Variants in USP50 observed in about 807,000 individuals in gnomAD.
The protein encoded by USP50 is ubiquitin carboxyl-terminal hydrolase 50.
In USP50, 37 loss-of-function variants were observed where a neutral mutation model predicts 39.2. That is an observed-to-expected ratio of 0.94 (90% CI 0.73 to 1.24). USP50 has a LOEUF of 1.24. Ranked by LOEUF, USP50 falls within the 50% of genes most tolerant of loss-of-function variation. The probability of loss-of-function intolerance (pLI) is 0.00; values close to 1 mark genes in which losing one functional copy is unlikely to be tolerated. For missense variants in USP50, 374 were observed against 398.2 expected, an observed-to-expected ratio of 0.94 and a Z score of 0.52; for synonymous variants, 139 against 144.5, an observed-to-expected ratio of 0.96 and a Z score of 0.27.
chr15:50,516,574 G>T (rs1191621181), intron 6 of USP50, among the ~76,000 whole-genome samples: 1 of 152,062 alleles, frequency 6.6e-6, no homozygotes, highest in Non-Finnish European at 1.5e-5. Flanking sequence ...CCAAGATTAC[G>T]CCATTGCACT....
intron 6 of USP50, among the ~76,000 whole-genome samples, chr15:50,518,642 T>TAAA: frequency 2.0e-5 from 3 of 148,324 alleles, no homozygotes; most frequent in Admixed American, 2.0e-4. Context: ...CTCACCACAT[T>TAAA]AAAAAAAAAA....
Position 50,546,555 on chromosome 15 carries a change from C to G in USP50, c.-30G>C, listed in dbSNP as rs753050726. The G allele has an allele frequency of 6.2e-7, 1 of 1,612,538 alleles. No homozygotes were observed. Among genetic ancestry groups the G allele is most frequent in the East Asian group, 2.2e-5 (1 of 44,844 alleles). ...ATGGAACCACGTTGGACTTTTGCTT[C>G]TATTCAGGAGCTACATCTATTCCTT... On this transcript the variant is annotated 5_prime_UTR_variant, in exon 1 of 7. An upstream open reading frame in the 5' UTR loses its in-frame stop. Transcript: ENST00000532404.
intron 5 of USP50, among the ~76,000 whole-genome samples, chr15:50,531,495 A>T (rs1034181043): frequency 6.6e-6 from 1 of 151,554 alleles, no homozygotes; most frequent in Non-Finnish European, 1.5e-5. Context: ...AAACAAAATT[A>T]TAGGGACGGA....
chr15:50,530,698 G>T (rs1424640121), intron 5 of USP50, among the ~76,000 whole-genome samples: 1 of 152,116 alleles, frequency 6.6e-6, no homozygotes, highest in East Asian at 1.9e-4. Flanking sequence ...TCACCAAAAT[G>T]AGACTGGAAT....
chr15:50,536,990 A>G (rs2052984883), intron 5 of USP50, among the ~76,000 whole-genome samples: 1 of 152,228 alleles, frequency 6.6e-6, no homozygotes, highest in East Asian at 1.9e-4. Context: ...AGTAGCCAAA[A>G]CTATACTGAA....
intron 6 of USP50, chr15:50,504,018 A>C (rs1203046815): frequency 6.6e-6 from 1 of 152,230 alleles, no homozygotes; most frequent in Non-Finnish European, 1.5e-5. Context: ...TGAGAAATAC[A>C]ACATAGTTGG....
intron 6 of USP50, among the ~76,000 whole-genome samples, chr15:50,526,991 T>C (rs1460765656): frequency 6.6e-6 from 1 of 152,176 alleles, no homozygotes. Context: ...TAACAAAGAA[T>C]CTAGCAAATG....
At chr15:50,496,724 CAAAT>C (rs1016770958), downstream of USP50, among the ~76,000 whole-genome samples, 1 of 152,118 alleles carries the variant, frequency 6.6e-6, no homozygotes, top group African/African-American at 2.4e-5. Context: ...ATGGGGATAT[CAAAT>C]AAATATCCTG....
intron 6 of USP50, chr15:50,505,750 G>C (rs112069964): frequency 0.09 from 13,730 of 152,404 alleles, 1,360 homozygotes; most frequent in African/African-American, 0.25. Context: ...TTTGAGCCCA[G>C]GAGTTTGAGA....
At chr15:50,511,150 G>A (rs891418378) in intron 6 of USP50, 1 of 152,134 alleles carries the variant, frequency 6.6e-6, no homozygotes, top group Non-Finnish European at 1.5e-5. Context: ...TTTAAAAACT[G>A]GAGAGAGAGC....
At chr15:50,518,642 T>TA (rs36075181) in intron 6 of USP50, among the ~76,000 whole-genome samples, 73,264 of 148,132 alleles carry the variant, frequency 0.49, 18,171 homozygotes, top group East Asian at 0.57. Flanking sequence ...CTCACCACAT[T>TA]AAAAAAAAAA....
At chr15:50,517,140 G>C (rs2052809810) in intron 6 of USP50, among the ~76,000 whole-genome samples, 1 of 152,128 alleles carries the variant, frequency 6.6e-6, no homozygotes, top group Admixed American at 6.6e-5. Context: ...ATATTCTCCA[G>C]GATCATATGT....
chr15:50,494,055 C>A, exon 2 of USP50: 1 of 1,595,202 alleles, frequency 6.3e-7, no homozygotes, highest in Non-Finnish European at 8.5e-7. Context: ...TTTGTAACAA[C>A]TTTTATTTGC....
At chr15:50,525,335 C>T (rs1047166333) in intron 6 of USP50, among the ~76,000 whole-genome samples, 5 of 151,800 alleles carry the variant, frequency 3.3e-5, no homozygotes, top group African/African-American at 4.8e-5. Context: ...AGATCTATTG[C>T]GTGGCAGAGT....
intron 6 of USP50, among the ~76,000 whole-genome samples, chr15:50,520,502 G>A (rs1410376744): frequency 2.0e-5 from 3 of 152,010 alleles, no homozygotes; most frequent in Non-Finnish European, 4.4e-5. Context: ...GTGTCACTAT[G>A]TTGCTCAGGC....
intron 6 of USP50, chr15:50,510,846 G>T (rs367998958): frequency 3.3e-5 from 5 of 151,724 alleles, no homozygotes; most frequent in Non-Finnish European, 5.9e-5. Flanking sequence ...GCGCTATCTC[G>T]GCTCACTGCA....
At chr15:50,499,253 A>G (rs1296570929), downstream of USP50, 28 of 531,918 alleles carry the variant, frequency 5.3e-5, no homozygotes, top group Non-Finnish European at 8.2e-5. Flanking sequence ...CTGACAAATA[A>G]CATTTAACAA....
intron 6 of USP50, among the ~76,000 whole-genome samples, chr15:50,515,652 G>GTATATA (rs35695423): frequency 8.8e-5 from 13 of 147,568 alleles, no homozygotes; most frequent in African/African-American, 1.5e-4. Context: ...ATATATATGT[G>GTATATA]TATATATATA....
chr15:50,533,189 TAAA>T (rs575991636), intron 5 of USP50, among the ~76,000 whole-genome samples: 2 of 78,784 alleles, frequency 2.5e-5, no homozygotes, highest in Non-Finnish European at 5.4e-5. Flanking sequence ...GAAAATAGAC[TAAA>T]AAAAAAAAAA....
Sources: allele counts gnomAD v4.1 joint callset (sites outside exome capture counted in the v4.1 genomes callset), GRCh38; gene constraint gnomAD v4.1.1; transcripts MANE v1.5; gene names NCBI Gene and HGNC (gene_info 2026-07-23, HGNC 2026-07-21).